The following ANKRD36B variants were observed in gnomAD, a reference collection of about 807,000 sequenced individuals.
ANKRD36B encodes ankyrin repeat domain 36B.
Under a neutral mutation model 135.7 loss-of-function variants are expected in ANKRD36B, and 37 were observed. That is an observed-to-expected ratio of 0.27 (90% CI 0.21 to 0.36). ANKRD36B has a LOEUF of 0.36. Ranked by LOEUF, ANKRD36B falls within the 10% of genes least tolerant of loss-of-function variation. The pLI is 1.00. For synonymous variants in ANKRD36B, 179 were observed against 348.1 expected (o/e 0.51, Z 5.41); for missense variants, 549 against 1,037.1 (o/e 0.53, Z 6.46).
chr2:97,556,922 G>A lies in ANKRD36B; in HGVS notation c.1069+15C>T, dbSNP rs374807936. 7.0e-4 allele frequency: 1,110 copies of A among 1,576,990 alleles called. 3 individuals are homozygous for A. The African/African-American group carries it at 0.013, about 19-fold the overall frequency. ...CTTGAGTGCACATGACATTAAATGT[G>A]TATTGCCAAATTACCTGTTCCAGAT... On this transcript the variant is annotated intron_variant, in intron 12 of 43. Coordinates refer to ENST00000359901, the MANE Select transcript of ANKRD36B (RefSeq NM_001393939.1).
At position 97,585,026 on chromosome 2, in the gene ANKRD36B, A is replaced by G; in HGVS notation, c.368T>C (p.Leu123Pro). The G allele has an allele frequency of 1.2e-6, 2 of 1,611,384 alleles. No individual in the cohort carries two copies. Among genetic ancestry groups the G allele is most frequent in the Non-Finnish European group, 1.7e-6 (2 of 1,179,750 alleles). The change falls in exon 3 of 44, where the codon CTG (leucine) becomes CCG (proline). Residue 123 changes from leucine (L) to proline (P), a missense_variant. By Grantham distance (98) the Leu-to-Pro change is moderately conservative. Coordinates refer to ENST00000359901, the MANE Select transcript of ANKRD36B (RefSeq NM_001393939.1). ...NITDVFGRTA[L>P]HYAVYNEDTS... ...ATCTTCATTATACACAGCGTAGTGC[A>G]GAGCAGTCCTTCCAAAGACATCCGT...
At chr2:97,508,847 G>A (rs550855053) in intron 40 of ANKRD36B, among the ~76,000 whole-genome samples, 2 of 109,262 alleles carry the variant, frequency 1.8e-5, no homozygotes, top group South Asian at 4.4e-4. Context: ...AAGCCCTGTT[G>A]TCTAAATGCC....
rs2078444954 is a variant in ANKRD36B at position 97,529,600 on chromosome 2, G to C, written c.2265+2711C>G. 2.1e-5 allele frequency among the ~76,000 whole-genome samples: 2 copies of C among 96,058 alleles called. 1 individual carries two copies. Among genetic ancestry groups the C allele is most frequent in the East Asian group, 4.6e-4 (2 of 4,318 alleles). 63.0% of individuals were successfully genotyped at this position (96,058 alleles called of 152,430 possible). A position where few individuals can be genotyped will look rare whatever the true frequency, so the allele number is the denominator to read the frequency against. ...AATAAAGGGTATTCAATTAGGAAAA[G>C]AGGAAGTCAAAATGTCCCTGTTTGC... On this transcript the variant is annotated intron_variant, in intron 35 of 43. Transcript: ENST00000359901.
intron 6 of ANKRD36B, among the ~76,000 whole-genome samples, chr2:97,565,301 T>C (rs568328198): frequency 6.6e-6 from 1 of 151,906 alleles, no homozygotes; most frequent in African/African-American, 2.4e-5. Context: ...TTATGTCATC[T>C]GCAAACAGAG....
At chr2:97,571,600 T>C (rs767777720) in intron 6 of ANKRD36B, among the ~76,000 whole-genome samples, 150 of 148,670 alleles carry the variant, frequency 1.0e-3, no homozygotes, top group Non-Finnish European at 1.5e-3. Flanking sequence ...GAGCCGAGAT[T>C]GCGCCACTGC....
intron 30 of ANKRD36B, chr2:97,539,800 C>T: frequency 4.0e-6 from 1 of 250,440 alleles, no homozygotes; most frequent in South Asian, 3.0e-5. Context: ...GACATGGTCT[C>T]CAATGTTTCT....
At chr2:97,549,193 A>C (rs1255975760) in intron 20 of ANKRD36B, among the ~76,000 whole-genome samples, 1 of 151,892 alleles carries the variant, frequency 6.6e-6, no homozygotes, top group Non-Finnish European at 1.5e-5. Context: ...TCTTCTTCCC[A>C]ACTTCAATGT....
intron 6 of ANKRD36B, among the ~76,000 whole-genome samples, chr2:97,561,209 C>T (rs1374939127): frequency 2.0e-5 from 3 of 151,920 alleles, no homozygotes; most frequent in Non-Finnish European, 2.9e-5. Context: ...TGGGAATCAG[C>T]GTCAAAGCAG....
At chr2:97,564,206 A>G (rs1359444043) in intron 6 of ANKRD36B, among the ~76,000 whole-genome samples, 2 of 152,050 alleles carry the variant, frequency 1.3e-5, no homozygotes, top group Non-Finnish European at 2.9e-5. Context: ...CATGTCGTCA[A>G]TAAGTTTTAG....
chr2:97,563,833 C>CA, intron 6 of ANKRD36B, among the ~76,000 whole-genome samples: 1 of 152,216 alleles, frequency 6.6e-6, no homozygotes, highest in African/African-American at 2.4e-5. Context: ...TCAATAAAAG[C>CA]AACCACATAA....
chr2:97,574,125 T>C (rs2082070359), intron 6 of ANKRD36B, among the ~76,000 whole-genome samples: 1 of 152,162 alleles, frequency 6.6e-6, no homozygotes, highest in Admixed American at 6.5e-5. Flanking sequence ...GAGAAAATTT[T>C]TGCAACTTAC....
intron 16 of ANKRD36B, 105 bp downstream of exon 16, chr2:97,553,063 C>G: frequency 1.5e-6 from 2 of 1,352,688 alleles, no homozygotes; most frequent in Non-Finnish European, 1.0e-6. Flanking sequence ...TCAGAATGTG[C>G]AGCTTCAGCG....
rs1814506 is a variant in ANKRD36B at position 97,589,826 on chromosome 2, C to T, written c.-141G>A. The stretch of plus-strand genomic sequence containing the variant: ...GGCAAAGCAGTCTGTGCACGGACCT[C>T]CGCGCAGACTCTCAGCGCCTCCCGC... On this transcript the variant is annotated 5_prime_UTR_variant, in exon 1 of 44. Transcript: ENST00000359901. 7.6e-5 allele frequency: 95 copies of T among 1,246,600 alleles called. 2 individuals carry two copies. The highest frequency in any genetic ancestry group is 7.3e-4 in the Middle Eastern group (3 of 4,100). The allele number at this position is 1,246,600 out of a possible 1,614,324, so 77.2% of individuals were successfully genotyped here.
chr2:97,526,774 C>T (rs2078237221), intron 35 of ANKRD36B, among the ~76,000 whole-genome samples: 1 of 96,116 alleles, frequency 1.0e-5, no homozygotes, highest in Non-Finnish European at 2.8e-5. Context: ...CCTCAGAGGC[C>T]GATGCGATCA....
intron 18 of ANKRD36B, among the ~76,000 whole-genome samples, chr2:97,551,062 T>C (rs1056286837): frequency 1.1e-4 from 16 of 151,986 alleles, no homozygotes; most frequent in African/African-American, 3.1e-4. Context: ...AACTGCTCTC[T>C]ATATTTCTTC....
chr2:97,564,075 C>A (rs1399297034), intron 6 of ANKRD36B, among the ~76,000 whole-genome samples: 8 of 151,668 alleles, frequency 5.3e-5, no homozygotes, highest in African/African-American at 1.7e-4. Context: ...TTTTAATACA[C>A]AAAATCAAGT....
chr2:97,531,633 T>C lies in ANKRD36B; in HGVS notation c.2265+678A>G, dbSNP rs1227121583. 2.1e-5 allele frequency among the ~76,000 whole-genome samples: 2 copies of C among 96,480 alleles called. 1 individual carries two copies. Among genetic ancestry groups the C allele is most frequent in the African/African-American group, 6.2e-5 (2 of 32,168 alleles). The allele number at this position is 96,480 out of a possible 152,430, so 63.3% of individuals were successfully genotyped here. On this transcript the variant is annotated intron_variant, in intron 35 of 43. Coordinates refer to ENST00000359901, the MANE Select transcript of ANKRD36B (RefSeq NM_001393939.1). ...CATATTGTAATATGATTGACAGTGT[T>C]ATATATTTATATAGATTATAGGCTT...
At chr2:97,554,253 A>T (rs999464379) in intron 14 of ANKRD36B, among the ~76,000 whole-genome samples, 1 of 151,992 alleles carries the variant, frequency 6.6e-6, no homozygotes, top group Non-Finnish European at 1.5e-5. Flanking sequence ...GGATCATACT[A>T]TTCTCTAAAT....
chr2:97,582,638 C>T (rs1230425163), intron 3 of ANKRD36B, among the ~76,000 whole-genome samples: 1 of 152,178 alleles, frequency 6.6e-6, no homozygotes, highest in Non-Finnish European at 1.5e-5. Context: ...TAGACGCAAA[C>T]TAAACACATG....
Sources: gnomAD v4.1 joint callset for allele counts (sites outside exome capture counted in the v4.1 genomes callset) on GRCh38, gnomAD v4.1.1 for gene constraint, MANE v1.5 for transcripts, NCBI Gene and HGNC (gene_info 2026-07-23, HGNC 2026-07-21) for gene names.